PLCB1: variants seen among roughly 807,000 people sequenced by gnomAD.
The protein encoded by PLCB1 is phospholipase C beta 1.
A neutral mutation model predicts 161.8 loss-of-function variants in PLCB1; 46 were observed. The ratio of observed to expected loss-of-function variants is 0.28; its 90% CI spans 0.22 to 0.36. The LOEUF is 0.36. PLCB1 is among the 10% of genes least tolerant of loss of function. PLCB1 has a pLI of 1.00. For missense variants in PLCB1, 1,016 were observed against 1,472.5 expected (o/e 0.69, Z 5.07); for synonymous variants, 517 against 503.7 (o/e 1.03, Z -0.35).
chr20:8,471,656 C>T (rs1982057212), intron 3 of PLCB1, among the ~76,000 whole-genome samples: 1 of 152,130 alleles, frequency 6.6e-6, no homozygotes, highest in Admixed American at 6.5e-5. Flanking sequence ...TTTTGTATTA[C>T]AGTGCATAAT....
intron 3 of PLCB1, among the ~76,000 whole-genome samples, chr20:8,488,493 T>A (rs1982819482): frequency 6.6e-6 from 1 of 152,080 alleles, no homozygotes; most frequent in Admixed American, 6.5e-5. Context: ...GCTAACAATA[T>A]CGAATATGGA....
chr20:8,456,942 C>T (rs900898493), intron 3 of PLCB1, among the ~76,000 whole-genome samples: 1 of 152,206 alleles, frequency 6.6e-6, no homozygotes, highest in Non-Finnish European at 1.5e-5. Context: ...TGAACATCAT[C>T]ACCTTGGGGG....
At chr20:8,237,819 T>C (rs1203575361) in intron 2 of PLCB1, among the ~76,000 whole-genome samples, 4 of 152,064 alleles carry the variant, frequency 2.6e-5, no homozygotes, top group Non-Finnish European at 2.9e-5. Flanking sequence ...GTTTTAACAG[T>C]CATACCTCTG....
At chr20:8,155,253 G>T (rs1201006812) in intron 2 of PLCB1, among the ~76,000 whole-genome samples, 1 of 152,122 alleles carries the variant, frequency 6.6e-6, no homozygotes, top group Non-Finnish European at 1.5e-5. Context: ...CTATATTAGA[G>T]ATTTAAATTT....
intron 3 of PLCB1, among the ~76,000 whole-genome samples, chr20:8,583,724 T>C (rs1467417138): frequency 1.3e-5 from 2 of 152,230 alleles, no homozygotes; most frequent in Non-Finnish European, 2.9e-5. Context: ...AATTTTGCAT[T>C]TTGAACTTTG....
intron 4 of PLCB1, among the ~76,000 whole-genome samples, chr20:8,634,425 G>A (rs530706735): frequency 5.3e-4 from 80 of 152,158 alleles, no homozygotes; most frequent in Non-Finnish European, 7.8e-4. Context: ...GGAAGTTTTC[G>A]TTAACTTCGT....
At chr20:8,607,343 C>T (rs1202464380) in intron 3 of PLCB1, among the ~76,000 whole-genome samples, 1 of 152,170 alleles carries the variant, frequency 6.6e-6, no homozygotes, top group Non-Finnish European at 1.5e-5. Context: ...TCATTTCACT[C>T]CCCTGCATTA....
At chr20:8,309,640 C>A (rs1984300044) in intron 2 of PLCB1, among the ~76,000 whole-genome samples, 1 of 152,176 alleles carries the variant, frequency 6.6e-6, no homozygotes, top group Admixed American at 6.5e-5. Context: ...TCAAAGGGAG[C>A]AGCTATAGGG....
intron 2 of PLCB1, among the ~76,000 whole-genome samples, chr20:8,264,495 C>T (rs1981855888): frequency 6.6e-6 from 1 of 152,104 alleles, no homozygotes. Flanking sequence ...GTATTATGTA[C>T]TATACATAAT....
At chr20:8,321,609 C>T (rs548173157) in intron 2 of PLCB1, among the ~76,000 whole-genome samples, 7 of 152,182 alleles carry the variant, frequency 4.6e-5, no homozygotes, top group African/African-American at 1.7e-4. Flanking sequence ...TTACCGGTAC[C>T]CCATAGTCCT....
At chr20:8,390,610 A>G (rs2122427623) in intron 3 of PLCB1, among the ~76,000 whole-genome samples, 1 of 152,322 alleles carries the variant, frequency 6.6e-6, no homozygotes, top group Non-Finnish European at 1.5e-5. Flanking sequence ...TTTATAATCA[A>G]TACAATGGTC....
chr20:8,480,812 T>C (rs531685374), intron 3 of PLCB1, among the ~76,000 whole-genome samples: 2 of 152,288 alleles, frequency 1.3e-5, no homozygotes, highest in South Asian at 4.1e-4. Context: ...AGTTTACTAT[T>C]GAATATAGAC....
chr20:8,586,014 C>T (rs1019001543), intron 3 of PLCB1, among the ~76,000 whole-genome samples: 1 of 152,162 alleles, frequency 6.6e-6, no homozygotes, highest in African/African-American at 2.4e-5. Flanking sequence ...CAGCTCATTA[C>T]CCCAGATTCA....
rs1363835867 is a variant in PLCB1, at chr20:8,275,268, T to TGTGTGTGC, written c.178-96107_178-96106insCGTGTGTG. Among the ~76,000 whole-genome samples the TGTGTGTGC allele has an allele frequency of 5.3e-5, 8 of 151,676 alleles. No homozygotes were observed. In the East Asian group the frequency reaches 1.6e-3, roughly 29 times the overall value. On this transcript the variant is annotated intron_variant, in intron 2 of 31. Coordinates refer to ENST00000338037, the MANE Select transcript of PLCB1 (RefSeq NM_015192.4). ...CAGCGTGAGTGTGTGTGTGTGTGTGTGTGTGTGTGTGTGTGTGTGAAGCGG... is the reference window on the plus strand; with the variant it reads ...CAGCGTGAGTGTGTGTGTGTGTGTGTGTGTGTGCGTGTGTGTGTGTGTGTGTGAAGCGG...
chr20:8,332,861 A>C (rs1668600606), intron 2 of PLCB1, among the ~76,000 whole-genome samples: 1 of 152,238 alleles, frequency 6.6e-6, no homozygotes, highest in Non-Finnish European at 1.5e-5. Context: ...TAGCACATAC[A>C]TGATTAGAAT....
rs934265310 is a variant in PLCB1, at chr20:8,465,370, AT to A, written c.246+93930del. On this transcript the variant is annotated intron_variant, in intron 3 of 31. Coordinates refer to ENST00000338037, the MANE Select transcript of PLCB1 (RefSeq NM_015192.4). Reference sequence around the variant, plus strand: ...TTGTGGGTATGAAATCTCTTTGGAGATTTTTTTTTTCCTTCACTTAGTGCTC... The same window carrying A: ...TTGTGGGTATGAAATCTCTTTGGAGATTTTTTTTTCCTTCACTTAGTGCTC... 8.0e-5 allele frequency among the ~76,000 whole-genome samples: 12 copies of A among 150,414 alleles called. No individual in the cohort carries two copies. In the East Asian group the frequency reaches 9.8e-4, roughly 12 times the overall value.
intron 19 of PLCB1, among the ~76,000 whole-genome samples, chr20:8,735,700 C>T (rs1326804082): frequency 6.6e-6 from 1 of 152,208 alleles, no homozygotes; most frequent in Non-Finnish European, 1.5e-5. Context: ...CCAAGTAGGA[C>T]TTGCATAACT....
intron 3 of PLCB1, among the ~76,000 whole-genome samples, chr20:8,537,683 TTTTAAGTAGCAC>T (rs1221444877): frequency 6.6e-6 from 1 of 152,110 alleles, no homozygotes; most frequent in Non-Finnish European, 1.5e-5. Flanking sequence ...GTGTAAAAGC[TTTTAAGTAGCAC>T]TTTGCCAGTT....
At chr20:8,363,972 C>G (rs943029808) in intron 2 of PLCB1, among the ~76,000 whole-genome samples, 1 of 152,106 alleles carries the variant, frequency 6.6e-6, no homozygotes, top group East Asian at 1.9e-4. Context: ...TAAATACATA[C>G]GATTATTATT....
Sources: allele counts gnomAD v4.1 joint callset (sites outside exome capture counted in the v4.1 genomes callset), GRCh38; gene constraint gnomAD v4.1.1; transcripts MANE v1.5; gene names NCBI Gene and HGNC (gene_info 2026-07-23, HGNC 2026-07-21).